FRMD3: variants seen among roughly 807,000 people sequenced by gnomAD.
FRMD3 encodes the protein FERM domain-containing protein 3.
FRMD3 carries 33 observed loss-of-function variants against 70.2 expected under a neutral mutation model. That is an observed-to-expected ratio of 0.47 (90% CI 0.36 to 0.63). The LOEUF (loss-of-function observed/expected upper bound fraction) is 0.63, where lower values mean the gene tolerates loss of function less well. Among genes scored for constraint, FRMD3 ranks in the 20% least tolerant of loss-of-function variants. FRMD3 has a pLI of 0.00. For missense variants in FRMD3, 632 were observed against 711.4 expected (o/e 0.89, Z 1.27); for synonymous variants, 279 against 255.9 (o/e 1.09, Z -0.86).
intron 2 of FRMD3, among the ~76,000 whole-genome samples, chr9:83,381,481 G>A (rs547020360): frequency 1.8e-4 from 27 of 152,080 alleles, no homozygotes; most frequent in African/African-American, 4.8e-4. Flanking sequence ...GCTTGAACCC[G>A]GGAGGCAGAG....
At chr9:83,457,930 A>T (rs563056673) in intron 1 of FRMD3, among the ~76,000 whole-genome samples, 2 of 150,894 alleles carry the variant, frequency 1.3e-5, no homozygotes, top group East Asian at 3.9e-4. Context: ...CCTCAAGTAT[A>T]CCTCAATAAA....
the FRMD3 span, among the ~76,000 whole-genome samples, chr9:83,551,209 C>A: frequency 6.6e-6 from 1 of 152,064 alleles, no homozygotes; most frequent in Non-Finnish European, 1.5e-5. Context: ...TTATCAAAAG[C>A]CTTTTCTGCA....
chr9:83,510,098 G>A (rs1443541706), intron 1 of FRMD3, among the ~76,000 whole-genome samples: 1 of 152,150 alleles, frequency 6.6e-6, no homozygotes, highest in Non-Finnish European at 1.5e-5. Flanking sequence ...CAGTGGTTGG[G>A]TCACAGTGTC....
intron 1 of FRMD3, among the ~76,000 whole-genome samples, chr9:83,528,296 GAC>G (rs35727605): frequency 2.8e-4 from 42 of 149,138 alleles, no homozygotes; most frequent in Admixed American, 4.7e-4. Context: ...TATAAACGCA[GAC>G]ACACACACAC....
At chr9:83,500,500 G>GCACACACACACACACACA (rs377538475) in intron 1 of FRMD3, among the ~76,000 whole-genome samples, 12 of 136,720 alleles carry the variant, frequency 8.8e-5, no homozygotes, top group South Asian at 2.4e-4. Context: ...GCGTGTATGC[G>GCACACACACACACACACA]CGCACACACA....
Position 83,479,216 on chromosome 9 carries a change from G to A in FRMD3, c.147+58869C>T, listed in dbSNP as rs186962931. Among the ~76,000 whole-genome samples, 604 of 151,846 alleles carry A rather than the reference G, an allele frequency of 4.0e-3. 5 individuals are homozygous for A. The highest frequency in any genetic ancestry group is 0.014 in the African/African-American group (579 of 41,378). Reference sequence around the variant, plus strand: ...TGTAATCTGAGCACTTTAGGAGAATGAGGTGAGAGGATCTCTTGAAACCAG... The same window carrying A: ...TGTAATCTGAGCACTTTAGGAGAATAAGGTGAGAGGATCTCTTGAAACCAG... On this transcript the variant is annotated intron_variant, in intron 1 of 13. Transcript: ENST00000304195.
chr9:83,379,556 G>A (rs535285415), intron 2 of FRMD3, among the ~76,000 whole-genome samples: 4 of 152,240 alleles, frequency 2.6e-5, no homozygotes, highest in Non-Finnish European at 2.9e-5. Flanking sequence ...AGAAAGCTAA[G>A]ACCCCATCAT....
chr9:83,323,063 G>A (rs1399231757), intron 6 of FRMD3, among the ~76,000 whole-genome samples: 1 of 152,176 alleles, frequency 6.6e-6, no homozygotes, highest in African/African-American at 2.4e-5. Context: ...TACAGCACAA[G>A]AAACCCTCAT....
At chr9:83,254,981 A>G (rs1200004673) in intron 13 of FRMD3, among the ~76,000 whole-genome samples, 1 of 152,228 alleles carries the variant, frequency 6.6e-6, no homozygotes, top group Non-Finnish European at 1.5e-5. Context: ...ATTTATACTG[A>G]AAGTATTCCT....
chr9:83,340,698 C>T (rs563275361), intron 5 of FRMD3, among the ~76,000 whole-genome samples: 2 of 152,298 alleles, frequency 1.3e-5, no homozygotes, highest in East Asian at 3.9e-4. Flanking sequence ...AAATGCATTG[C>T]ATGTCTTAAA....
intron 3 of FRMD3, among the ~76,000 whole-genome samples, chr9:83,351,687 T>TGATAGATAGATAGATAGATA (rs10641248): frequency 4.8e-4 from 70 of 145,704 alleles, no homozygotes; most frequent in South Asian, 6.7e-4. Flanking sequence ...GATAGTTACA[T>TGATAGATAGATAGATAGATA]GATAGATAGA....
intron 7 of FRMD3, 81 bp from the exon 8 acceptor site, chr9:83,312,056 A>T (rs545685957): frequency 2.9e-6 from 3 of 1,043,744 alleles, no homozygotes; most frequent in Non-Finnish European, 4.2e-6. Flanking sequence ...ATATTTATTC[A>T]TCCTCACCCT....
chr9:83,499,827 T>C (rs1250935355), intron 1 of FRMD3, among the ~76,000 whole-genome samples: 1 of 152,196 alleles, frequency 6.6e-6, no homozygotes, highest in Non-Finnish European at 1.5e-5. Flanking sequence ...TATTCATAAT[T>C]GTCAAAACTT....
intron 1 of FRMD3, among the ~76,000 whole-genome samples, chr9:83,493,061 G>A (rs1318623620): frequency 2.6e-5 from 4 of 152,050 alleles, no homozygotes; most frequent in Non-Finnish European, 4.4e-5. Context: ...GGGAGGAGAA[G>A]CACCCACTGC....
chr9:83,253,941 A>C (rs1447757196), intron 13 of FRMD3, among the ~76,000 whole-genome samples: 3 of 152,316 alleles, frequency 2.0e-5, no homozygotes, highest in East Asian at 3.9e-4. Flanking sequence ...AGCCATAAAA[A>C]ATGATGAGTT....
chr9:83,271,217 C>T (rs1429416857), intron 13 of FRMD3, among the ~76,000 whole-genome samples: 1 of 152,108 alleles, frequency 6.6e-6, no homozygotes, highest in Non-Finnish European at 1.5e-5. Context: ...TGGAGTCAGC[C>T]ATTAGTTAAA....
intron 1 of FRMD3, among the ~76,000 whole-genome samples, chr9:83,536,130 A>G (rs191938595): frequency 6.6e-6 from 1 of 152,336 alleles, no homozygotes; most frequent in East Asian, 1.9e-4. Flanking sequence ...AAAAAGACAA[A>G]TCACAAAATG....
intron 13 of FRMD3, among the ~76,000 whole-genome samples, chr9:83,287,963 G>A (rs887595935): frequency 1.3e-5 from 2 of 152,210 alleles, no homozygotes; most frequent in Non-Finnish European, 2.9e-5. Context: ...GTGGTCTACA[G>A]GGTGTACAAC....
At chr9:83,542,899 T>C (rs1301862702), upstream of FRMD3, among the ~76,000 whole-genome samples, 1 of 151,972 alleles carries the variant, frequency 6.6e-6, no homozygotes, top group Non-Finnish European at 1.5e-5. Flanking sequence ...GACATTCACA[T>C]GCAAAAAAAT....
Sources: gnomAD v4.1 joint callset for allele counts (sites outside exome capture counted in the v4.1 genomes callset) on GRCh38, gnomAD v4.1.1 for gene constraint, MANE v1.5 for transcripts, NCBI Gene and HGNC (gene_info 2026-07-23, HGNC 2026-07-21) for gene names.